KCNQ1: variants seen among roughly 807,000 people sequenced by gnomAD.
KCNQ1 encodes potassium voltage-gated channel subfamily Q member 1.
In KCNQ1, 49 loss-of-function variants were observed where a neutral mutation model predicts 72.4. The observed-to-expected ratio is 0.68, with a 90% CI of 0.54 to 0.86. KCNQ1 has a LOEUF of 0.86. Among genes scored for constraint, KCNQ1 ranks in the 40% least tolerant of loss-of-function variants. The pLI, the probability that KCNQ1 is intolerant of heterozygous loss-of-function variation, is 0.00. For synonymous variants in KCNQ1, 450 were observed against 412.6 expected (o/e 1.09, Z -1.10); for missense variants, 790 against 945.1 (o/e 0.84, Z 2.15).
intron 6 of KCNQ1, among the ~76,000 whole-genome samples, chr11:2,581,315 C>T (rs578255469): frequency 3.2e-4 from 48 of 152,342 alleles, no homozygotes; most frequent in African/African-American, 1.0e-3. Context: ...GGAAGTCACT[C>T]CCCAGGGCAG....
intron 2 of KCNQ1, among the ~76,000 whole-genome samples, chr11:2,531,150 G>A (rs918769235): frequency 7.9e-5 from 12 of 152,248 alleles, no homozygotes; most frequent in Admixed American, 2.6e-4. Flanking sequence ...CACCCAGGCT[G>A]GACCTGCAGG....
At chr11:2,650,241 G>A (rs1247128964) in intron 10 of KCNQ1, 2 of 398,390 alleles carry the variant, frequency 5.0e-6, no homozygotes, top group Non-Finnish European at 4.4e-6. Context: ...ATCTCATTGG[G>A]TTTCCTTAAG....
At chr11:2,842,548 A>G (rs1179982448) in intron 15 of KCNQ1, among the ~76,000 whole-genome samples, 2 of 152,198 alleles carry the variant, frequency 1.3e-5, no homozygotes, top group African/African-American at 2.4e-5. Flanking sequence ...CAGCCCAGAG[A>G]ACAACCTAAT....
At chr11:2,630,742 T>C (rs1026093968) in intron 10 of KCNQ1, 2 of 398,370 alleles carry the variant, frequency 5.0e-6, no homozygotes, top group African/African-American at 4.1e-5. Flanking sequence ...AATAACTCCC[T>C]CTGGCATATC....
intron 15 of KCNQ1, among the ~76,000 whole-genome samples, chr11:2,812,527 G>A (rs896722250): frequency 2.0e-5 from 3 of 152,222 alleles, no homozygotes; most frequent in Non-Finnish European, 2.9e-5. Flanking sequence ...TCCGGGAGGC[G>A]GGAACAGCAT....
intron 1 of KCNQ1, among the ~76,000 whole-genome samples, chr11:2,500,916 T>C (rs988161047): frequency 2.6e-5 from 4 of 152,022 alleles, no homozygotes; most frequent in African/African-American, 7.3e-5. Context: ...GAGAAATACC[T>C]AATGTAGATG....
At position 2,473,097 on chromosome 11, in the gene KCNQ1, G is replaced by A. The variant is rs1328999636; in HGVS notation, c.386+27613G>A. Among the ~76,000 whole-genome samples, 2 of 152,200 alleles carry A rather than the reference G, an allele frequency of 1.3e-5. No homozygotes were observed. The highest frequency in any genetic ancestry group is 3.9e-4 in the East Asian group (2 of 5,162). On this transcript the variant is annotated intron_variant, in intron 1 of 15. Coordinates refer to ENST00000155840, the MANE Select transcript of KCNQ1 (RefSeq NM_000218.3). This position sits in a 1 kb window ranked among gnomAD's most constrained non-coding sequence, Gnocchi z 6.0. ...CCTTCTGGGCAGAGTGGCACACAGG[G>A]TCCCACCCATCTCAAGTCCATGGGA...
rs1211787746 is a variant in KCNQ1, at chr11:2,704,627, A to C, written c.1514+42546A>C. 2.0e-5 allele frequency among the ~76,000 whole-genome samples: 3 copies of C among 152,200 alleles called. No individual in the cohort carries two copies. Among genetic ancestry groups the C allele is most frequent in the African/African-American group, 7.2e-5 (3 of 41,452 alleles). On this transcript the variant is annotated intron_variant, in intron 11 of 15. Coordinates refer to ENST00000155840, the MANE Select transcript of KCNQ1 (RefSeq NM_000218.3). The surrounding 1 kb of genome is among the most constrained non-coding windows in gnomAD (Gnocchi z 4.3). ...GCTGAACAGAGAGAGAACTGAAGAG[A>C]GGCAGCAGGGTGAGGGGGAAGACTA...
chr11:2,574,243 G>C (rs552519085), intron 6 of KCNQ1, among the ~76,000 whole-genome samples: 1 of 152,306 alleles, frequency 6.6e-6, no homozygotes, highest in East Asian at 1.9e-4. Context: ...AGTGGCCCTG[G>C]GTGGGGACCG....
chr11:2,461,689 T>G, intron 1 of KCNQ1: 8 of 1,367,172 alleles, frequency 5.9e-6, no homozygotes, highest in Non-Finnish European at 7.8e-6. Flanking sequence ...CTGTGCTTCC[T>G]GAGCCAGTGC....
Position 2,490,363 on chromosome 11 carries a change from G to A in KCNQ1, c.387-37565G>A, listed in dbSNP as rs192926571. On this transcript the variant is annotated intron_variant, in intron 1 of 15. Coordinates refer to ENST00000155840, the MANE Select transcript of KCNQ1 (RefSeq NM_000218.3). ...ACTTGGGGGAACTCACCACCCTAAA[G>A]TGAAGGACAAAAGCCTGGCTGGCTT... 1.4e-4 allele frequency among the ~76,000 whole-genome samples: 22 copies of A among 152,360 alleles called. No homozygotes were observed. The East Asian group carries it at 4.1e-3, about 28-fold the overall frequency.
At position 2,587,603 on chromosome 11, in the gene KCNQ1, G is replaced by A. The variant is rs537637760; in HGVS notation, c.1162G>A (p.Asp388Asn). 12 of 1,613,770 alleles carry A rather than the reference G, an allele frequency of 7.4e-6. No homozygotes were observed. Among genetic ancestry groups the A allele is most frequent in the South Asian group, 2.2e-5 (2 of 91,090 alleles). Residue 388 changes from aspartate to asparagine, a missense_variant, in exon 9 of 16, where the codon GAC becomes AAC. Coordinates refer to ENST00000155840, the MANE Select transcript of KCNQ1 (RefSeq NM_000218.3). ...AWRCYAAENP[D>N]SSTWKIYIRK... is the part of the protein sequence containing the mutation. ...GAGGTGCTATGCTGCCGAGAACCCC[G>A]ACTCCTCCACCTGGAAGATCTACAT...
intron 1 of KCNQ1, among the ~76,000 whole-genome samples, chr11:2,496,053 CTCT>C (rs1589912244): frequency 6.6e-6 from 1 of 152,128 alleles, no homozygotes; most frequent in East Asian, 1.9e-4. Flanking sequence ...GGATAGTTAG[CTCT>C]TCTTGTTGCA....
In KCNQ1 at chr11:2,815,895, G is replaced by A. The variant is rs572244049; in HGVS notation, c.1795-31872G>A. ...GCTGTATCTAACAGCTGCCTGTGCCGAAAAATTAAGCACCGCTGAGTCGCC... is the reference window on the plus strand; with the variant it reads ...GCTGTATCTAACAGCTGCCTGTGCCAAAAAATTAAGCACCGCTGAGTCGCC... On this transcript the variant is annotated intron_variant, in intron 15 of 15. Transcript: ENST00000155840. This position sits in a 1 kb window ranked among gnomAD's most constrained non-coding sequence, Gnocchi z 5.4. 6.2e-4 allele frequency among the ~76,000 whole-genome samples: 94 copies of A among 152,296 alleles called. No homozygotes were observed. The highest frequency in any genetic ancestry group is 1.9e-3 in the African/African-American group (81 of 41,566).
chr11:2,675,510 T>C (rs2133873803), intron 11 of KCNQ1: 1 of 398,662 alleles, frequency 2.5e-6, no homozygotes, highest in African/African-American at 2.1e-5. Context: ...AGTCACAACA[T>C]GCCATACACA....
rs1217804157 is a variant in KCNQ1 at position 2,658,311 on chromosome 11, A to G, written c.1394-3650A>G. The G allele has an allele frequency of 7.5e-6, 3 of 398,374 alleles. No individual in the cohort carries two copies. Among genetic ancestry groups the G allele is most frequent in the East Asian group, 7.1e-5 (2 of 28,092 alleles). The allele number at this position is 398,374 out of a possible 1,614,324, so 24.7% of individuals were successfully genotyped here. A position where few individuals can be genotyped will look rare whatever the true frequency, so the allele number is the denominator to read the frequency against. ...TATTTGGAATTCCTTTATAAGGAAG[A>G]TTTGTCCCTCTCCTCCAATTGTTTA... On this transcript the variant is annotated intron_variant, in intron 10 of 15. Coordinates refer to ENST00000155840, the MANE Select transcript of KCNQ1 (RefSeq NM_000218.3). This position sits in a 1 kb window ranked among gnomAD's most constrained non-coding sequence, Gnocchi z 4.9.
intron 11 of KCNQ1, among the ~76,000 whole-genome samples, chr11:2,760,297 A>G (rs1846371241): frequency 6.6e-6 from 1 of 152,160 alleles, no homozygotes; most frequent in African/African-American, 2.4e-5. Context: ...GCGGGCGTGG[A>G]GGAGCTAATG....
Position 2,661,754 on chromosome 11 carries a change from C to T in KCNQ1, c.1394-207C>T, listed in dbSNP as rs966642156. ...AAGATGATTCACTGGCCTTTATTCT[C>T]CTCAGACACTGAGGTGTCAGGCACT... On this transcript the variant is annotated intron_variant, in intron 10 of 15. Coordinates refer to ENST00000155840, the MANE Select transcript of KCNQ1 (RefSeq NM_000218.3). This position sits in a 1 kb window ranked among gnomAD's most constrained non-coding sequence, Gnocchi z 5.9. The T allele has an allele frequency of 9.4e-6, 6 of 640,406 alleles. No homozygotes were observed. The highest frequency in any genetic ancestry group is 2.3e-5 in the Admixed American group (1 of 42,796). The allele number at this position is 640,406 out of a possible 1,614,324, so 39.7% of individuals were successfully genotyped here. A position where few individuals can be genotyped will look rare whatever the true frequency, so the allele number is the denominator to read the frequency against.
chr11:2,502,503 GAA>G (rs1189353948), intron 1 of KCNQ1, among the ~76,000 whole-genome samples: 24 of 152,230 alleles, frequency 1.6e-4, no homozygotes, highest in African/African-American at 5.8e-4. Flanking sequence ...TCTCTACAAT[GAA>G]AATTATAATA....
Sources: allele counts gnomAD v4.1 joint callset (sites outside exome capture counted in the v4.1 genomes callset), GRCh38; gene constraint gnomAD v4.1.1; non-coding constraint Gnocchi (gnomAD v3.1); transcripts MANE v1.5; gene names NCBI Gene and HGNC (gene_info 2026-07-23, HGNC 2026-07-21).